The following SASH3 variants were observed in gnomAD, a reference collection of about 807,000 sequenced individuals.
SASH3 encodes the protein SAM and SH3 domain containing 3.
SASH3 carries 7 observed loss-of-function variants against 26.1 expected under a neutral mutation model. The ratio of observed to expected loss-of-function variants is 0.27; its 90% CI spans 0.15 to 0.50. The LOEUF is 0.50. Ranked by LOEUF, SASH3 falls within the 20% of genes least tolerant of loss-of-function variation. The pLI is 0.98. For synonymous variants in SASH3, 138 were observed against 136.8 expected (o/e 1.01, Z -0.06); for missense variants, 231 against 318.3 (o/e 0.73, Z 2.09).
Position 129,791,002 on chromosome X carries a change from T to C in SASH3, c.363T>C (p.Pro121=), listed in dbSNP as rs765920001. The C allele has an allele frequency of 8.3e-6, 10 of 1,209,932 alleles. No homozygotes were observed. The highest frequency in any genetic ancestry group is 3.0e-5 in the East Asian group (1 of 33,736). Residue 121 remains proline, a synonymous_variant, in exon 4 of 8, where the codon CCT becomes CCC. Transcript: ENST00000356892. ...PTSPDYSLDS[P]GPEKMALAFS... ...CTCCAGACTACAGCCTGGACAGCCC[T>C]GGCCCTGAGAAGATGGCGCTGGCCT...
intron 5 of SASH3, 42 bp from the exon 6 acceptor site, chrX:129,792,585 C>T: frequency 8.3e-7 from 1 of 1,197,727 alleles, no homozygotes; most frequent in Non-Finnish European, 1.1e-6. Flanking sequence ...CCCCCCATAT[C>T]CTCTCTCCCT....
chrX:129,786,986 C>A (rs1472945776), intron 1 of SASH3, among the ~76,000 whole-genome samples: 1 of 96,834 alleles, frequency 1.0e-5, no homozygotes, highest in African/African-American at 4.2e-5. Flanking sequence ...CAGGGCGAGA[C>A]TCCATCTCAG....
In SASH3 at chrX:129,791,165, G is replaced by T. The variant is rs746124734; in HGVS notation, c.442+84G>T. 30 of 1,016,505 alleles carry T rather than the reference G, an allele frequency of 3.0e-5. No homozygotes were observed. The African/African-American group carries it at 4.3e-4, about 15-fold the overall frequency. 83.8% of individuals were successfully genotyped at this position (1,016,505 alleles called of 1,213,427 possible). A position where few individuals can be genotyped will look rare whatever the true frequency, so the allele number is the denominator to read the frequency against. ...CGTGCTGGTGGCACACTGTCTGGGCGGGGGGTAAGAGAAATGAATGCTTAC... is the reference window on the plus strand; with the variant it reads ...CGTGCTGGTGGCACACTGTCTGGGCTGGGGGTAAGAGAAATGAATGCTTAC... On this transcript the variant is annotated intron_variant, in intron 4 of 7. Transcript: ENST00000356892.
rs143960900 is a variant in SASH3, at chrX:129,791,169, G to A, written c.442+88G>A. 1,300 of 995,725 alleles carry A rather than the reference G, an allele frequency of 1.3e-3. 10 individuals are homozygous for A. The African/African-American group carries it at 0.019, about 15-fold the overall frequency. The allele number at this position is 995,725 out of a possible 1,213,427, so 82.1% of individuals were successfully genotyped here. A position where few individuals can be genotyped will look rare whatever the true frequency, so the allele number is the denominator to read the frequency against. ...CTGGTGGCACACTGTCTGGGCGGGG[G>A]GTAAGAGAAATGAATGCTTACTCTT... is the stretch of plus-strand genomic sequence containing the variant. On this transcript the variant is annotated intron_variant, in intron 4 of 7. Coordinates refer to ENST00000356892, the MANE Select transcript of SASH3 (RefSeq NM_018990.4).
rs373169783 is a variant in SASH3 at position 129,792,286 on chromosome X, C to A, written c.443-42C>A. The A allele has an allele frequency of 1.7e-5, 20 of 1,174,634 alleles. No homozygotes were observed. In the African/African-American group the frequency reaches 2.8e-4, roughly 17 times the overall value. On this transcript the variant is annotated intron_variant, in intron 4 of 7. Transcript: ENST00000356892. The stretch of plus-strand genomic sequence containing the variant: ...CCTGCTAGGCACTGTCTCAGCTGTT[C>A]TAGGACAAAGGTGAGCCTCCTCCCT...
At position 129,789,141 on chromosome X, in the gene SASH3, GAAAGAAAGAAAGAAAGAAAGAA is replaced by G. The variant is rs1569312630; in HGVS notation, c.300+566_300+587del. Among the ~76,000 whole-genome samples the G allele has an allele frequency of 3.8e-4, 21 of 55,369 alleles. No individual in the cohort carries two copies. The East Asian group carries it at 0.021, about 55-fold the overall frequency. 48.1% of individuals were successfully genotyped at this position (55,369 alleles called of 115,157 possible). On this transcript the variant is annotated intron_variant, in intron 3 of 7. Transcript: ENST00000356892. ...AGAAAGAAAGAAAGAAAGAAAGAAAGAAAGAAAGAAAGAAAGAAAGAAAGAGAAAAAAAAAAAAAAGAAAAGT... is the reference window on the plus strand; with the variant it reads ...AGAAAGAAAGAAAGAAAGAAAGAAAGAGAGAAAAAAAAAAAAAAGAAAAGT...
intron 1 of SASH3, 49 bp from the exon 2 acceptor site, chrX:129,787,926 C>T: frequency 9.8e-7 from 1 of 1,019,666 alleles, no homozygotes; most frequent in Non-Finnish European, 1.4e-6. Context: ...TATGTGGGCC[C>T]TCGGGCAGCC....
chrX:129,792,944 G>A, intron 6 of SASH3, 45 bp from the exon 7 acceptor site: 1 of 1,208,312 alleles, frequency 8.3e-7, no homozygotes, highest in South Asian at 1.8e-5. Flanking sequence ...CCTAGGCAGG[G>A]GTGGCTGGTA....
intron 7 of SASH3, 22 bp from the exon 8 acceptor site, chrX:129,793,620 C>G (rs1374957121): frequency 1.1e-5 from 13 of 1,204,610 alleles, no homozygotes; most frequent in African/African-American, 5.2e-5. Context: ...CATATTCTGT[C>G]TCCCTCTCTC....
At chrX:129,790,907 C>T (rs1261693452) in intron 3 of SASH3, 33 bp from the exon 4 acceptor site, 1 of 1,201,849 alleles carries the variant, frequency 8.3e-7, no homozygotes, top group South Asian at 1.8e-5. Context: ...CCCAGCAAGG[C>T]TCCTTAAAGC....
At chrX:129,786,724 C>T (rs1355497605) in intron 1 of SASH3, among the ~76,000 whole-genome samples, 1 of 112,036 alleles carries the variant, frequency 8.9e-6, no homozygotes, top group Non-Finnish European at 1.9e-5. Context: ...AGACTGGGCT[C>T]GGTGGCTCAC....
chrX:129,788,997 G>GA (rs773351317), intron 3 of SASH3, among the ~76,000 whole-genome samples: 2 of 108,677 alleles, frequency 1.8e-5, no homozygotes, highest in East Asian at 5.8e-4. Context: ...CAGCTACTCA[G>GA]AGACTGAGGC....
intron 2 of SASH3, 67 bp downstream of exon 2, chrX:129,788,137 G>GGGGGGGGGGGTGGC: frequency 2.8e-6 from 1 of 354,277 alleles, no homozygotes; most frequent in Non-Finnish European, 5.4e-6. Context: ...GGGTGGGAGG[G>GGGGGGGGGGGTGGC]AAGAGGGTGA....
Position 129,793,811 on chromosome X carries a change from C to G in SASH3, c.1122C>G (p.Leu374=). ...GCACTGAGGAGCAGCTGCAAGGCCTCTCCCTGGCCGGGGCACCTTGAGGTG... is the reference window on the plus strand; with the variant it reads ...GCACTGAGGAGCAGCTGCAAGGCCTGTCCCTGGCCGGGGCACCTTGAGGTG... ...LAGTEEQLQG[L]SLAGAP is the part of the protein sequence containing the mutation. Residue 374 remains leucine, a synonymous_variant, in exon 8 of 8, where the codon CTC becomes CTG. Transcript: ENST00000356892. 8.4e-7 allele frequency: 1 copy of G among 1,191,367 alleles called. No individual in the cohort carries two copies. The highest frequency in any genetic ancestry group is 1.1e-6 in the Non-Finnish European group (1 of 885,221).
chrX:129,789,489 T>C (rs1364451384), intron 3 of SASH3, among the ~76,000 whole-genome samples: 1 of 110,262 alleles, frequency 9.1e-6, no homozygotes, highest in African/African-American at 3.3e-5. Flanking sequence ...CAAAACAAAT[T>C]AGCCAGGCGT....
Position 129,791,416 on chromosome X carries a change from A to G in SASH3, c.442+335A>G, listed in dbSNP as rs375569214. Among the ~76,000 whole-genome samples, 13 of 112,130 alleles carry G rather than the reference A, an allele frequency of 1.2e-4. No individual in the cohort carries two copies. In the East Asian group the frequency reaches 3.4e-3, roughly 29 times the overall value. ...GGCCCACGGGCAGAGGAAGAGTCTC[A>G]GTCACCCTCTTGGACCAGCCCGTCC... On this transcript the variant is annotated intron_variant, in intron 4 of 7. Transcript: ENST00000356892.
intron 3 of SASH3, among the ~76,000 whole-genome samples, chrX:129,789,109 A>AAAAGAAGAAAGAAAGAAAGAAAGAAAG (rs1556001554): frequency 2.5e-5 from 1 of 39,453 alleles, no homozygotes; most frequent in Non-Finnish European, 4.0e-5. Flanking sequence ...CTCAAAAAAA[A>AAAAGAAGAAAGAAAGAAAGAAAGAAAG]AAAGAAAGAA....
At chrX:129,788,137 G>GGGGGGGGGGGGGGGGGGGGGGGGGGC in intron 2 of SASH3, 67 bp downstream of exon 2, 1 of 354,275 alleles carries the variant, frequency 2.8e-6, no homozygotes, top group Non-Finnish European at 5.4e-6. Context: ...GGGTGGGAGG[G>GGGGGGGGGGGGGGGGGGGGGGGGGGC]AAGAGGGTGA....
In SASH3 at chrX:129,786,681, A is replaced by G. The variant is rs773068476; in HGVS notation, c.58-1294A>G. ...CCCTGGTTTCTGGCTGCTACCTTGCATGTGCATGCATATATATTTAAGAAA... is the reference window on the plus strand; with the variant it reads ...CCCTGGTTTCTGGCTGCTACCTTGCGTGTGCATGCATATATATTTAAGAAA... On this transcript the variant is annotated intron_variant, in intron 1 of 7. Transcript: ENST00000356892. Among the ~76,000 whole-genome samples, 6 of 111,216 alleles carry G rather than the reference A, an allele frequency of 5.4e-5. No homozygotes were observed. The South Asian group carries it at 1.9e-3, about 36-fold the overall frequency.
Sources: allele counts gnomAD v4.1 joint callset (sites outside exome capture counted in the v4.1 genomes callset), GRCh38; gene constraint gnomAD v4.1.1; transcripts MANE v1.5; gene names NCBI Gene and HGNC (gene_info 2026-07-23, HGNC 2026-07-21).